Variants in LINGO2 observed in about 807,000 individuals in gnomAD.
LINGO2 encodes the protein leucine rich repeat and Ig domain containing 2.
A neutral mutation model predicts 30.6 loss-of-function variants in LINGO2; 14 were observed. The ratio of observed to expected loss-of-function variants is 0.46; its 90% CI spans 0.30 to 0.72. The LOEUF (loss-of-function observed/expected upper bound fraction) is 0.72. Ranked by LOEUF, LINGO2 falls within the 30% of genes least tolerant of loss-of-function variation. The pLI is 0.07. For missense variants in LINGO2, 729 were observed against 751.7 expected (o/e 0.97, Z 0.35); for synonymous variants, 317 against 288.5 (o/e 1.10, Z -1.00).
At chr9:28,600,642 G>T (rs142543819) in intron 1 of LINGO2, among the ~76,000 whole-genome samples, 46 of 152,100 alleles carry the variant, frequency 3.0e-4, no homozygotes, top group African/African-American at 1.0e-3. Flanking sequence ...ATAAATCGAA[G>T]GTCAAAATGA....
At chr9:29,202,275 C>T in the LINGO2 span, among the ~76,000 whole-genome samples, 4 of 151,750 alleles carry the variant, frequency 2.6e-5, no homozygotes, top group Admixed American at 6.6e-5. Flanking sequence ...GAATATGATA[C>T]TAAGCTCATT....
the LINGO2 span, among the ~76,000 whole-genome samples, chr9:28,904,343 A>C: frequency 6.6e-6 from 1 of 152,108 alleles, no homozygotes; most frequent in African/African-American, 2.4e-5. Context: ...TGTACTCAAC[A>C]TAGCAGCCTA....
chr9:28,009,348 C>T (rs1183231040), intron 5 of LINGO2, among the ~76,000 whole-genome samples: 2 of 87,290 alleles, frequency 2.3e-5, no homozygotes, highest in African/African-American at 8.5e-5. Context: ...ATCAAAAGCA[C>T]AAGTGATAAA....
chr9:28,349,743 C>A (rs1380383864), intron 3 of LINGO2, among the ~76,000 whole-genome samples: 1 of 148,854 alleles, frequency 6.7e-6, no homozygotes, highest in African/African-American at 2.5e-5. Flanking sequence ...TAAGGGCAGC[C>A]AGAGAGAAAG....
At chr9:28,055,044 A>G (rs1824860035) in intron 4 of LINGO2, among the ~76,000 whole-genome samples, 1 of 152,048 alleles carries the variant, frequency 6.6e-6, no homozygotes, top group Admixed American at 6.6e-5. Context: ...AAAAAAATAT[A>G]TATAGCCTCC....
At chr9:28,335,087 T>A (rs1825547611) in intron 3 of LINGO2, among the ~76,000 whole-genome samples, 1 of 152,150 alleles carries the variant, frequency 6.6e-6, no homozygotes, top group South Asian at 2.1e-4. Flanking sequence ...TAATTATTTT[T>A]AAATTCCTTC....
intron 5 of LINGO2, among the ~76,000 whole-genome samples, chr9:27,982,211 C>T (rs1820913302): frequency 6.6e-6 from 1 of 151,848 alleles, no homozygotes; most frequent in African/African-American, 2.4e-5. Context: ...TCCTCTTCTA[C>T]ACATTGGGAC....
At chr9:28,188,015 T>G (rs1326580854) in intron 4 of LINGO2, among the ~76,000 whole-genome samples, 2 of 152,196 alleles carry the variant, frequency 1.3e-5, no homozygotes, top group Non-Finnish European at 2.9e-5. Context: ...CTATCCAAGC[T>G]TGTAATTAGT....
the LINGO2 span, among the ~76,000 whole-genome samples, chr9:28,757,021 T>A: frequency 6.6e-6 from 1 of 152,042 alleles, no homozygotes; most frequent in Non-Finnish European, 1.5e-5. Context: ...GTTATAACAG[T>A]GATTATTAGT....
chr9:29,153,487 T>C, the LINGO2 span, among the ~76,000 whole-genome samples: 1 of 152,194 alleles, frequency 6.6e-6, no homozygotes, highest in Non-Finnish European at 1.5e-5. Flanking sequence ...TGCAATTTAA[T>C]AGCTATGAAA....
intron 1 of LINGO2, among the ~76,000 whole-genome samples, chr9:28,488,400 T>A (rs1474227393): frequency 6.6e-6 from 1 of 152,132 alleles, no homozygotes; most frequent in Non-Finnish European, 1.5e-5. Flanking sequence ...AATATTATTA[T>A]AAATAGATCC....
At chr9:28,268,853 G>T (rs1173884368) in intron 4 of LINGO2, among the ~76,000 whole-genome samples, 1 of 152,052 alleles carries the variant, frequency 6.6e-6, no homozygotes, top group Non-Finnish European at 1.5e-5. Context: ...TTCTTCAGTT[G>T]AGTGTCATCT....
At chr9:28,462,449 G>A (rs1825120970) in intron 2 of LINGO2, among the ~76,000 whole-genome samples, 2 of 146,070 alleles carry the variant, frequency 1.4e-5, no homozygotes, top group Admixed American at 1.4e-4. Flanking sequence ...TTATACCTGA[G>A]TTTGCAATTT....
the LINGO2 span, among the ~76,000 whole-genome samples, chr9:29,160,427 C>A: frequency 6.6e-6 from 1 of 152,128 alleles, no homozygotes; most frequent in Non-Finnish European, 1.5e-5. Context: ...GCAATAATAA[C>A]TATTTCAGAG....
chr9:28,145,950 C>G (rs985014635), intron 4 of LINGO2, among the ~76,000 whole-genome samples: 2 of 152,174 alleles, frequency 1.3e-5, no homozygotes, highest in African/African-American at 4.8e-5. Flanking sequence ...CTGATTTGCT[C>G]TGTGCTAAGG....
intron 3 of LINGO2, among the ~76,000 whole-genome samples, chr9:28,346,063 A>T (rs1286796589): frequency 6.6e-6 from 1 of 152,212 alleles, no homozygotes; most frequent in East Asian, 1.9e-4. Context: ...ACCATCATTT[A>T]AAAAAGCTTT....
intron 1 of LINGO2, among the ~76,000 whole-genome samples, chr9:28,667,289 C>T (rs551309493): frequency 1.4e-4 from 22 of 152,164 alleles, no homozygotes; most frequent in Non-Finnish European, 2.6e-4. Context: ...TATTGGGTCA[C>T]ATTTCATCCA....
At chr9:28,403,319 G>A (rs1036381708) in intron 2 of LINGO2, among the ~76,000 whole-genome samples, 8 of 152,086 alleles carry the variant, frequency 5.3e-5, no homozygotes, top group East Asian at 3.9e-4. Flanking sequence ...ATTTATTCCC[G>A]AGGCTCCCTC....
At chr9:28,872,290 G>T in the LINGO2 span, among the ~76,000 whole-genome samples, 7 of 151,952 alleles carry the variant, frequency 4.6e-5, no homozygotes, top group South Asian at 1.5e-3. Flanking sequence ...ATAGAAAATG[G>T]ACATTTACAG....
Sources: allele counts gnomAD v4.1 joint callset (sites outside exome capture counted in the v4.1 genomes callset), GRCh38; gene constraint gnomAD v4.1.1; transcripts MANE v1.5; gene names NCBI Gene and HGNC (gene_info 2026-07-23, HGNC 2026-07-21).